TIAM1: variants seen among roughly 807,000 people sequenced by gnomAD.
TIAM1 encodes the protein TIAM Rac1 associated GEF 1, also known as rho guanine nucleotide exchange factor TIAM1.
Under a neutral mutation model 163.5 loss-of-function variants are expected in TIAM1, and 65 were observed. That is an observed-to-expected ratio of 0.40 (90% CI 0.33 to 0.49). The LOEUF is 0.49. TIAM1 is among the 20% of genes least tolerant of loss of function. The pLI, the probability that TIAM1 is intolerant of heterozygous loss-of-function variation, is 0.77. For synonymous variants in TIAM1, 833 were observed against 810.1 expected (o/e 1.03, Z -0.48); for missense variants, 1,789 against 2,044.7 (o/e 0.87, Z 2.41).
Position 31,490,523 on chromosome 21 carries a change from T to A in TIAM1, c.-421-26488A>T, listed in dbSNP as rs565358984. 1.3e-4 allele frequency among the ~76,000 whole-genome samples: 20 copies of A among 152,214 alleles called. No individual in the cohort carries two copies. In the South Asian group the frequency reaches 4.0e-3, roughly 30 times the overall value. ...CTCCCTGTCAACAGAACACTGATCA[T>A]CCAAGTTCATTCTCAGGCCAGGACA... On this transcript the variant is annotated intron_variant, in intron 1 of 28. Transcript: ENST00000286827.
intron 8 of TIAM1, among the ~76,000 whole-genome samples, chr21:31,219,842 C>T (rs2087455384): frequency 6.6e-6 from 1 of 152,182 alleles, no homozygotes; most frequent in Non-Finnish European, 1.5e-5. Flanking sequence ...AAGATTACAC[C>T]GGAGGTGTCA....
chr21:31,519,960 A>G (rs2047524149), intron 1 of TIAM1, among the ~76,000 whole-genome samples: 1 of 152,134 alleles, frequency 6.6e-6, no homozygotes. Context: ...GGGAAGATGA[A>G]AAGTTCTGGA....
intron 1 of TIAM1, among the ~76,000 whole-genome samples, chr21:31,496,348 A>C (rs1356065635): frequency 7.3e-6 from 1 of 137,796 alleles, no homozygotes; most frequent in East Asian, 2.3e-4. Flanking sequence ...AAATTAGCTG[A>C]GTGTGATGGC....
intron 2 of TIAM1, among the ~76,000 whole-genome samples, chr21:31,356,299 C>T (rs114756249): frequency 0.011 from 1,638 of 152,262 alleles, 26 homozygotes; most frequent in African/African-American, 0.037. Flanking sequence ...CTCTGAAATA[C>T]ACAGATTATT....
At chr21:31,190,126 C>A (rs76588218) in intron 13 of TIAM1, among the ~76,000 whole-genome samples, 3 of 152,064 alleles carry the variant, frequency 2.0e-5, no homozygotes, top group Non-Finnish European at 4.4e-5. Flanking sequence ...AAACTAAGGT[C>A]GGGCGTGGTG....
chr21:31,459,380 A>G (rs2045239267), intron 2 of TIAM1, among the ~76,000 whole-genome samples: 1 of 152,096 alleles, frequency 6.6e-6, no homozygotes, highest in South Asian at 2.1e-4. Flanking sequence ...TTCTGTGGAG[A>G]ATGGACATTA....
intron 1 of TIAM1, among the ~76,000 whole-genome samples, chr21:31,536,357 G>A (rs531689087): frequency 8.5e-4 from 130 of 152,344 alleles, no homozygotes; most frequent in African/African-American, 3.1e-3. Flanking sequence ...CTTACCCACT[G>A]CACACCATGG....
At chr21:31,153,600 A>G (rs1456335362) in intron 17 of TIAM1, among the ~76,000 whole-genome samples, 2 of 152,226 alleles carry the variant, frequency 1.3e-5, no homozygotes, top group African/African-American at 4.8e-5. Flanking sequence ...TGATAACACA[A>G]AGACAACAGA....
chr21:31,443,564 T>C (rs1321394221), intron 2 of TIAM1, among the ~76,000 whole-genome samples: 2 of 152,172 alleles, frequency 1.3e-5, no homozygotes, highest in Non-Finnish European at 2.9e-5. Flanking sequence ...GAAGCCCTCC[T>C]TGACCATCAA....
chr21:31,171,705 G>A lies in TIAM1; in HGVS notation c.2888-6640C>T, dbSNP rs202169469. On this transcript the variant is annotated intron_variant, in intron 15 of 27. Transcript: ENST00000541036. ...AAGCGCAGACTTTTATGTCTATTTC[G>A]CCACTCCATGAATTTGGGCTGGTGT... is the stretch of plus-strand genomic sequence containing the variant. 3.0e-3 allele frequency among the ~76,000 whole-genome samples: 451 copies of A among 152,154 alleles called. 2 individuals are homozygous for A. The highest frequency in any genetic ancestry group is 2.5e-3 in the Non-Finnish European group (168 of 68,006).
intron 1 of TIAM1, among the ~76,000 whole-genome samples, chr21:31,519,322 A>G (rs925202722): frequency 8.7e-5 from 13 of 149,188 alleles, no homozygotes; most frequent in Non-Finnish European, 1.5e-4. Context: ...AAAAAAAAAA[A>G]AAAAAAGAAA....
intron 2 of TIAM1, among the ~76,000 whole-genome samples, chr21:31,461,349 A>T (rs1402461407): frequency 3.3e-5 from 5 of 152,040 alleles, no homozygotes; most frequent in Non-Finnish European, 5.9e-5. Context: ...GCTGGGCGTG[A>T]TGTGCATGTC....
intron 2 of TIAM1, among the ~76,000 whole-genome samples, chr21:31,400,826 C>G (rs948121102): frequency 1.3e-5 from 2 of 152,142 alleles, no homozygotes; most frequent in Non-Finnish European, 2.9e-5. Flanking sequence ...CACAGTGGCT[C>G]ATGCCTGTAA....
intron 2 of TIAM1, among the ~76,000 whole-genome samples, chr21:31,453,404 C>A (rs1274023122): frequency 2.6e-5 from 4 of 152,188 alleles, no homozygotes; most frequent in African/African-American, 9.6e-5. Flanking sequence ...AGCTGACAGC[C>A]ATTAAGAAAC....
chr21:31,190,065 AACTGG>A (rs2085480375), intron 13 of TIAM1, among the ~76,000 whole-genome samples: 2 of 152,166 alleles, frequency 1.3e-5, no homozygotes, highest in African/African-American at 2.4e-5. Context: ...CATGAGTGGC[AACTGG>A]AATAATGATC....
intron 25 of TIAM1, among the ~76,000 whole-genome samples, chr21:31,129,651 G>C (rs1403685726): frequency 6.6e-6 from 1 of 152,162 alleles, no homozygotes; most frequent in African/African-American, 2.4e-5. Flanking sequence ...CTGAGCAATG[G>C]AATGAGACCC....
At chr21:31,202,152 A>G (rs145842293) in intron 12 of TIAM1, among the ~76,000 whole-genome samples, 1 of 152,112 alleles carries the variant, frequency 6.6e-6, no homozygotes, top group Non-Finnish European at 1.5e-5. Flanking sequence ...TTTTCACCCA[A>G]CAAGATTTGA....
chr21:31,508,125 A>C (rs1355031024), intron 1 of TIAM1, among the ~76,000 whole-genome samples: 1 of 152,196 alleles, frequency 6.6e-6, no homozygotes, highest in African/African-American at 2.4e-5. Context: ...AAGCTGGAAG[A>C]GGGAAGGACA....
intron 5 of TIAM1, among the ~76,000 whole-genome samples, chr21:31,248,075 G>A (rs1043315285): frequency 6.6e-6 from 1 of 152,146 alleles, no homozygotes; most frequent in Non-Finnish European, 1.5e-5. Flanking sequence ...GCCCAAGACA[G>A]CCCTCACAAC....
Sources: allele counts gnomAD v4.1 joint callset (sites outside exome capture counted in the v4.1 genomes callset), GRCh38; gene constraint gnomAD v4.1.1; transcripts MANE v1.5; gene names NCBI Gene and HGNC (gene_info 2026-07-23, HGNC 2026-07-21).